The following OSBPL9 variants were observed in gnomAD, a reference collection of about 807,000 sequenced individuals.
OSBPL9 encodes oxysterol-binding protein-related protein 9.
A neutral mutation model predicts 106.6 loss-of-function variants in OSBPL9; 40 were observed. That is an observed-to-expected ratio of 0.38 (90% CI 0.29 to 0.49). The LOEUF (loss-of-function observed/expected upper bound fraction) is 0.49. OSBPL9 is among the 20% of genes least tolerant of loss of function. OSBPL9 has a pLI of 0.97. For missense variants in OSBPL9, 609 were observed against 887.2 expected (o/e 0.69, Z 3.98); for synonymous variants, 269 against 295.4 (o/e 0.91, Z 0.92).
chr1:51,748,469 C>G (rs1668501354), intron 7 of OSBPL9, 71 bp downstream of exon 7: 1 of 1,376,924 alleles, frequency 7.3e-7, no homozygotes, highest in Non-Finnish European at 9.5e-7. Context: ...CTATTTTAAG[C>G]TGCCACTATT....
chr1:51,518,458 G>A, the OSBPL9 span: 2 of 152,716 alleles, frequency 1.3e-5, no homozygotes, highest in Non-Finnish European at 2.9e-5. Flanking sequence ...TGAGCCCCCC[G>A]AGGGGAAGTT....
the OSBPL9 span, among the ~76,000 whole-genome samples, chr1:51,571,596 G>A: frequency 6.6e-6 from 1 of 152,144 alleles, no homozygotes; most frequent in African/African-American, 2.4e-5. Flanking sequence ...GGGCCCAGGA[G>A]TTTGAGGCTG....
chr1:51,712,966 A>ATATG (rs1660364719), intron 3 of OSBPL9, among the ~76,000 whole-genome samples: 2 of 152,136 alleles, frequency 1.3e-5, no homozygotes, highest in African/African-American at 4.8e-5. Flanking sequence ...TTTCTGGGCC[A>ATATG]CCCATATGAC....
chr1:51,606,681 T>G (rs567512675), intron 2 of OSBPL9, among the ~76,000 whole-genome samples: 1 of 152,250 alleles, frequency 6.6e-6, no homozygotes, highest in Non-Finnish European at 1.5e-5. Context: ...GGTACTTTTT[T>G]AAAATATATT....
the OSBPL9 span, among the ~76,000 whole-genome samples, chr1:51,555,163 A>G: frequency 5.3e-5 from 8 of 152,314 alleles, no homozygotes; most frequent in East Asian, 1.5e-3. Context: ...TCAGATTGAT[A>G]GTGCCTACTT....
intron 3 of OSBPL9, among the ~76,000 whole-genome samples, chr1:51,704,581 G>T (rs1211053669): frequency 6.6e-6 from 1 of 152,178 alleles, no homozygotes; most frequent in Non-Finnish European, 1.5e-5. Context: ...TTTCCTCACA[G>T]TTCTGGAGGC....
intron 1 of OSBPL9, among the ~76,000 whole-genome samples, chr1:51,587,186 G>A (rs1424129112): frequency 6.6e-6 from 1 of 152,122 alleles, no homozygotes; most frequent in Non-Finnish European, 1.5e-5. Flanking sequence ...GCCAACATGA[G>A]AAACCCCATC....
At chr1:51,680,602 A>T (rs1321376570) in intron 3 of OSBPL9, among the ~76,000 whole-genome samples, 1 of 152,012 alleles carries the variant, frequency 6.6e-6, no homozygotes, top group Non-Finnish European at 1.5e-5. Context: ...CGGAGGTTGC[A>T]GTGAGCTGAG....
upstream of OSBPL9, among the ~76,000 whole-genome samples, chr1:51,576,986 G>C (rs1209036373): frequency 2.0e-5 from 3 of 152,164 alleles, no homozygotes; most frequent in Non-Finnish European, 4.4e-5. Context: ...GGGCATGGTG[G>C]GAGGTGTTTG....
rs542890540 is a variant in OSBPL9, at chr1:51,757,088, A to T, written c.582+730A>T. The stretch of plus-strand genomic sequence containing the variant: ...GAGGCAGCTTTTTTGTTTGTCCTAG[A>T]CTTTACAAATGCCAGCTTGTCTGAG... On this transcript the variant is annotated intron_variant, in intron 9 of 23. Transcript: ENST00000428468. 3.3e-5 allele frequency: 5 copies of T among 152,252 alleles called. No homozygotes were observed. In the East Asian group the frequency reaches 9.6e-4, roughly 29 times the overall value. The allele number at this position is 152,252 out of a possible 1,614,324, so 9.4% of individuals were successfully genotyped here.
chr1:51,699,836 A>G (rs1656854453), intron 3 of OSBPL9, among the ~76,000 whole-genome samples: 1 of 152,230 alleles, frequency 6.6e-6, no homozygotes, highest in African/African-American at 2.4e-5. Flanking sequence ...CATGAATGTT[A>G]CATACATAGG....
intron 1 of OSBPL9, among the ~76,000 whole-genome samples, chr1:51,621,422 A>T (rs957156653): frequency 6.6e-6 from 1 of 151,300 alleles, no homozygotes; most frequent in Non-Finnish European, 1.5e-5. Context: ...AAGGAGAATC[A>T]CTTGAACCAG....
upstream of OSBPL9, among the ~76,000 whole-genome samples, chr1:51,613,471 G>C (rs919377597): frequency 2.0e-5 from 3 of 152,134 alleles, no homozygotes; most frequent in Non-Finnish European, 4.4e-5. Flanking sequence ...TCATTTCTTT[G>C]AATCTCAGTT....
chr1:51,642,147 A>G (rs1346498421), intron 1 of OSBPL9, among the ~76,000 whole-genome samples: 1 of 152,194 alleles, frequency 6.6e-6, no homozygotes, highest in Non-Finnish European at 1.5e-5. Flanking sequence ...TAAGAATAGA[A>G]GCTTCAAATT....
chr1:51,519,131 C>A, the OSBPL9 span: 1 of 1,151,290 alleles, frequency 8.7e-7, no homozygotes, highest in Admixed American at 3.3e-5. Flanking sequence ...AAGAAGTCGG[C>A]GAAGCTGAGG....
intron 11 of OSBPL9, among the ~76,000 whole-genome samples, chr1:51,764,952 A>G (rs185800764): frequency 5.4e-4 from 82 of 152,342 alleles, no homozygotes; most frequent in African/African-American, 1.7e-3. Context: ...GATTGCCATC[A>G]GTGTCTTAAT....
chr1:51,710,659 T>C (rs2148881438), intron 3 of OSBPL9, among the ~76,000 whole-genome samples: 2 of 152,378 alleles, frequency 1.3e-5, no homozygotes, highest in South Asian at 4.1e-4. Context: ...AATTGACAGT[T>C]ACTCTCTTTT....
At chr1:51,552,181 C>G in the OSBPL9 span, among the ~76,000 whole-genome samples, 5 of 152,230 alleles carry the variant, frequency 3.3e-5, no homozygotes, top group East Asian at 9.7e-4. Flanking sequence ...TTCAGACTTC[C>G]TTATACTTTT....
At chr1:51,776,227 C>T (rs936724292) in intron 14 of OSBPL9, among the ~76,000 whole-genome samples, 4 of 152,050 alleles carry the variant, frequency 2.6e-5, no homozygotes, top group South Asian at 2.1e-4. Flanking sequence ...AGTGAGAGCG[C>T]GAGTGTGAAT....
Sources: gnomAD v4.1 joint callset for allele counts (sites outside exome capture counted in the v4.1 genomes callset) on GRCh38, gnomAD v4.1.1 for gene constraint, MANE v1.5 for transcripts, NCBI Gene and HGNC (gene_info 2026-07-23, HGNC 2026-07-21) for gene names.